The following KLC1 variants were observed in gnomAD, a reference collection of about 807,000 sequenced individuals.
The protein encoded by KLC1 is kinesin 2 60/70kDa.
A neutral mutation model predicts 84.2 loss-of-function variants in KLC1; 30 were observed. The ratio of observed to expected loss-of-function variants is 0.36; its 90% CI spans 0.27 to 0.48. The LOEUF (loss-of-function observed/expected upper bound fraction) is 0.48, where lower values mean the gene tolerates loss of function less well. Among genes scored for constraint, KLC1 ranks in the 20% least tolerant of loss-of-function variants. The pLI, the probability that KLC1 is intolerant of heterozygous loss-of-function variation, is 0.99. For missense variants in KLC1, 499 were observed against 805.4 expected, an observed-to-expected ratio of 0.62 and a Z score of 4.60; for synonymous variants, 289 against 293.3, an observed-to-expected ratio of 0.99 and a Z score of 0.15.
rs1595481470 is a variant in KLC1, at chr14:103,673,274, A to T, written c.1162-58A>T. ...CTTTCTCATTTAACTGGAGATTAAA[A>T]TGTATGCTTTATTTACATCTGAAAG... On this transcript the variant is annotated intron_variant, in intron 8 of 16. Transcript: ENST00000334553. The T allele has an allele frequency of 3.2e-6, 5 of 1,554,140 alleles. No homozygotes were observed. In the East Asian group the frequency reaches 1.1e-4, roughly 36 times the overall value.
chr14:103,687,251 G>A (rs1244149739), intron 14 of KLC1, 40 bp downstream of exon 14: 4 of 1,496,692 alleles, frequency 2.7e-6, no homozygotes, highest in Middle Eastern at 2.4e-4. Context: ...CCTGCACGCC[G>A]GCTGCTGGGC....
At position 103,693,983 on chromosome 14, in the gene KLC1, G is replaced by C. The variant is rs997331791; in HGVS notation, c.1848+1558G>C. On this transcript the variant is annotated intron_variant, in intron 15 of 16. Coordinates refer to ENST00000334553, the MANE Select transcript of KLC1 (RefSeq NM_001394837.1). The surrounding 1 kb of genome is among the most constrained non-coding windows in gnomAD (Gnocchi z 5.1). The stretch of plus-strand genomic sequence containing the variant: ...ATGACACCAGACTCTCTTTTAAATT[G>C]TAATATTGTAATAAGGCTGTAAATT... 2.7e-6 allele frequency: 3 copies of C among 1,095,110 alleles called. No individual in the cohort carries two copies. Among genetic ancestry groups the C allele is most frequent in the Non-Finnish European group, 2.2e-6 (2 of 898,844 alleles). 67.8% of individuals were successfully genotyped at this position (1,095,110 alleles called of 1,614,324 possible). A position where few individuals can be genotyped will look rare whatever the true frequency, so the allele number is the denominator to read the frequency against.
intron 13 of KLC1, among the ~76,000 whole-genome samples, chr14:103,681,978 A>G (rs1394612657): frequency 6.6e-6 from 1 of 152,220 alleles, no homozygotes; most frequent in African/African-American, 2.4e-5. Flanking sequence ...TTGCAAAGCA[A>G]ACCGTTACCA....
chr14:103,662,018 A>C, intron 3 of KLC1, 98 bp from the exon 4 acceptor site: 1 of 799,256 alleles, frequency 1.3e-6, no homozygotes, highest in Non-Finnish European at 2.1e-6. Flanking sequence ...CATCTTTTCT[A>C]AGATTCTTAG....
intron 16 of KLC1, 68 bp from the exon 17 acceptor site, chr14:103,701,133 C>A: frequency 6.5e-7 from 1 of 1,539,456 alleles, no homozygotes. Flanking sequence ...GAGCTGTTTC[C>A]AGAACAGAAC....
intron 7 of KLC1, among the ~76,000 whole-genome samples, chr14:103,671,216 A>G (rs1258201063): frequency 2.0e-5 from 3 of 152,198 alleles, no homozygotes; most frequent in Admixed American, 6.5e-5. Context: ...GATTAAGTCA[A>G]TGTCATATAT....
At chr14:103,680,231 G>A (rs2081239546) in intron 13 of KLC1, among the ~76,000 whole-genome samples, 1 of 151,706 alleles carries the variant, frequency 6.6e-6, no homozygotes, top group South Asian at 2.1e-4. Flanking sequence ...AGACCATGTG[G>A]CCTTCTGGAC....
intron 1 of KLC1, among the ~76,000 whole-genome samples, chr14:103,650,737 C>T (rs1012795182): frequency 2.0e-5 from 3 of 151,858 alleles, no homozygotes; most frequent in Non-Finnish European, 4.4e-5. Flanking sequence ...TGCCACCACG[C>T]CTGGCTAATT....
intron 13 of KLC1, among the ~76,000 whole-genome samples, chr14:103,681,055 A>C (rs1186284427): frequency 6.6e-6 from 1 of 152,054 alleles, no homozygotes; most frequent in Non-Finnish European, 1.5e-5. Flanking sequence ...CTGGGGATGA[A>C]AGCAGCTGCT....
intron 13 of KLC1, chr14:103,684,135 C>G (rs1028575244): frequency 1.3e-5 from 2 of 152,072 alleles, no homozygotes; most frequent in Non-Finnish European, 2.9e-5. Context: ...CAAGATCATG[C>G]CACTGCACTC....
At chr14:103,632,536 TG>T (rs377490395) in intron 1 of KLC1, among the ~76,000 whole-genome samples, 25 of 152,022 alleles carry the variant, frequency 1.6e-4, no homozygotes, top group African/African-American at 6.0e-4. Context: ...GACAACATGG[TG>T]AAACCCTGTC....
At chr14:103,656,518 G>C (rs1484803939) in intron 2 of KLC1, among the ~76,000 whole-genome samples, 1 of 152,194 alleles carries the variant, frequency 6.6e-6, no homozygotes, top group Non-Finnish European at 1.5e-5. Context: ...AGTTTAGTGA[G>C]TGAATAGAGC....
At chr14:103,634,787 C>T (rs964069061) in intron 1 of KLC1, among the ~76,000 whole-genome samples, 2 of 151,782 alleles carry the variant, frequency 1.3e-5, no homozygotes, top group African/African-American at 4.8e-5. Context: ...CACTGTGTTT[C>T]CCAGGCTGGT....
At chr14:103,661,565 T>C (rs2048062305) in intron 3 of KLC1, among the ~76,000 whole-genome samples, 1 of 152,220 alleles carries the variant, frequency 6.6e-6, no homozygotes, top group African/African-American at 2.4e-5. Context: ...GTCAGGCTGT[T>C]ACCTGTCTTT....
At chr14:103,681,469 T>C (rs979387663) in intron 13 of KLC1, among the ~76,000 whole-genome samples, 6 of 151,728 alleles carry the variant, frequency 4.0e-5, no homozygotes, top group African/African-American at 9.7e-5. Flanking sequence ...GTACACTTTT[T>C]CCCCCCCGAG....
chr14:103,689,170 C>G (rs1259168745), intron 14 of KLC1, among the ~76,000 whole-genome samples: 1 of 152,120 alleles, frequency 6.6e-6, no homozygotes, highest in Non-Finnish European at 1.5e-5. Flanking sequence ...TATTTAATTC[C>G]TGGAGGGGAT....
chr14:103,638,830 G>C (rs2077258822), intron 1 of KLC1, among the ~76,000 whole-genome samples: 1 of 151,566 alleles, frequency 6.6e-6, no homozygotes, highest in South Asian at 2.1e-4. Context: ...GTGTATGTAT[G>C]AACATAGGGG....
In KLC1 at chr14:103,700,729, T is replaced by TC; in HGVS notation, c.*1+2_*1+3insC. On this transcript the variant is annotated splice_region_variant and intron_variant, in intron 16 of 16. Coordinates refer to ENST00000334553, the MANE Select transcript of KLC1 (RefSeq NM_001394837.1). Reference sequence around the variant, plus strand: ...GGCCTGGAAGACGCCACCGCTAACGTGAGTCCCACGGCCTGCAGCCCCAGG... The same window carrying TC: ...GGCCTGGAAGACGCCACCGCTAACGTCGAGTCCCACGGCCTGCAGCCCCAGG... 1 of 1,591,852 alleles carries TC rather than the reference T, an allele frequency of 6.3e-7. No homozygotes were observed. The highest frequency in any genetic ancestry group is 8.5e-7 in the Non-Finnish European group (1 of 1,169,786).
At chr14:103,670,577 C>A (rs1366969364) in intron 7 of KLC1, among the ~76,000 whole-genome samples, 4 of 151,280 alleles carry the variant, frequency 2.6e-5, no homozygotes, top group African/African-American at 9.8e-5. Flanking sequence ...CCTCCTGATC[C>A]GCCCGCCTTG....
Sources: allele counts gnomAD v4.1 joint callset (sites outside exome capture counted in the v4.1 genomes callset), GRCh38; gene constraint gnomAD v4.1.1; non-coding constraint Gnocchi (gnomAD v3.1); transcripts MANE v1.5; gene names NCBI Gene and HGNC (gene_info 2026-07-23, HGNC 2026-07-21).